Variants in ANKRD12 observed in about 807,000 individuals in gnomAD.
ANKRD12 encodes the protein ankyrin repeat domain-containing protein 12.
ANKRD12 carries 85 observed loss-of-function variants against 183.4 expected under a neutral mutation model. That is an observed-to-expected ratio of 0.46 (90% confidence interval 0.39 to 0.56). The LOEUF (loss-of-function observed/expected upper bound fraction) is 0.56, where lower values mean the gene tolerates loss of function less well. ANKRD12 is among the 20% of genes least tolerant of loss of function. ANKRD12 has a pLI of 0.00. For synonymous variants in ANKRD12, 914 were observed against 800.2 expected, an observed-to-expected ratio of 1.14 and a Z score of -2.40; for missense variants, 2,405 against 2,357.1, an observed-to-expected ratio of 1.02 and a Z score of -0.42.
chr18:9,285,423 T>G lies in ANKRD12; in HGVS notation c.*4297T>G, dbSNP rs2040199285. On this transcript the variant is annotated 3_prime_UTR_variant, in exon 13 of 13. Transcript: ENST00000262126. ...CCTGGGCAACAAGAGTGAAACTCTG[T>G]CTCCAAAAAAAAAAAAAAAAAAAAA... The G allele has an allele frequency of 8.3e-6, 1 of 120,520 alleles. No homozygotes were observed. The highest frequency in any genetic ancestry group is 3.3e-5 in the African/African-American group (1 of 30,532). The allele number at this position is 120,520 out of a possible 1,614,324, so 7.5% of individuals were successfully genotyped here. A position where few individuals can be genotyped will look rare whatever the true frequency, so the allele number is the denominator to read the frequency against.
intron 1 of ANKRD12, among the ~76,000 whole-genome samples, chr18:9,180,278 C>CT (rs2033609780): frequency 6.6e-6 from 1 of 152,136 alleles, no homozygotes; most frequent in Non-Finnish European, 1.5e-5. Context: ...AGCTTGCTTT[C>CT]TTTCTAAGCA....
At position 9,256,175 on chromosome 18, in the gene ANKRD12, A is replaced by T. The variant is rs2038608768; in HGVS notation, c.2908A>T (p.Ile970Leu). ...GGAAAAATCTAGAGATAAAGAAAGT[A>T]TAAATATAACTAACTCCAAACACAT... Reference protein sequence around the residue: ...KKEKSRDKESINITNSKHIQE... With the variant: ...KKEKSRDKESLNITNSKHIQE... Residue 970 changes from isoleucine to leucine, a missense_variant, in exon 9 of 13, where the codon ATA becomes TTA. Physicochemically the swap from Ile to Leu is conservative, Grantham distance 5. Coordinates refer to ENST00000262126, the MANE Select transcript of ANKRD12 (RefSeq NM_015208.5). 1 of 1,563,062 alleles carries T rather than the reference A, an allele frequency of 6.4e-7. No homozygotes were observed. The highest frequency in any genetic ancestry group is 1.4e-5 in the African/African-American group (1 of 71,866).
intron 1 of ANKRD12, among the ~76,000 whole-genome samples, chr18:9,148,220 T>C (rs2078557789): frequency 6.6e-6 from 1 of 152,140 alleles, no homozygotes; most frequent in Non-Finnish European, 1.5e-5. Flanking sequence ...ATTTAAAAAA[T>C]CTCAGACCTT....
rs1168835413 is a variant in ANKRD12, at chr18:9,256,585, A to G, written c.3318A>G (p.Glu1106=). Reference sequence around the variant, plus strand: ...ATAAGGAAAAAATTAAGCAAAAAGAAAAGGAACGGTTGAGAAACCGAAACT... The same window carrying G: ...ATAAGGAAAAAATTAAGCAAAAAGAGAAGGAACGGTTGAGAAACCGAAACT... The part of the protein sequence containing the change: ...KKHKEKIKQK[E]KERLRNRNCL... Residue 1106 remains glutamate, a synonymous_variant, in exon 9 of 13, where the codon GAA becomes GAG. Transcript: ENST00000262126. 1.2e-5 allele frequency: 19 copies of G among 1,599,528 alleles called. No homozygotes were observed. The highest frequency in any genetic ancestry group is 1.6e-5 in the Non-Finnish European group (19 of 1,176,698).
chr18:9,139,164 AAT>A (rs1390774187), intron 1 of ANKRD12, among the ~76,000 whole-genome samples: 1 of 152,230 alleles, frequency 6.6e-6, no homozygotes, highest in Admixed American at 6.5e-5. Flanking sequence ...AGAGAACAAA[AAT>A]ATTCAGACGA....
chr18:9,208,620 T>G, intron 4 of ANKRD12, 37 bp from the exon 5 acceptor site: 15 of 1,570,276 alleles, frequency 9.6e-6, no homozygotes, highest in Non-Finnish European at 1.3e-5. Flanking sequence ...GTACTTGGAT[T>G]TGTTTCAAAT....
intron 1 of ANKRD12, among the ~76,000 whole-genome samples, chr18:9,151,152 G>T (rs1216964771): frequency 6.6e-6 from 1 of 152,230 alleles, no homozygotes; most frequent in Non-Finnish European, 1.5e-5. Context: ...AATAGCTAAG[G>T]CAGGGAGGGA....
intron 1 of ANKRD12, among the ~76,000 whole-genome samples, chr18:9,181,036 CTA>C (rs2144160039): frequency 6.6e-6 from 1 of 152,240 alleles, no homozygotes; most frequent in African/African-American, 2.4e-5. Flanking sequence ...GAGGACAGTG[CTA>C]TGTTTAAATT....
chr18:9,151,419 A>G (rs1425718878), intron 1 of ANKRD12, among the ~76,000 whole-genome samples: 2 of 152,240 alleles, frequency 1.3e-5, no homozygotes, highest in Admixed American at 1.3e-4. Context: ...TTATTTAAGA[A>G]GCAGAATTTT....
chr18:9,247,535 ATAT>A (rs1452397868), intron 8 of ANKRD12, among the ~76,000 whole-genome samples: 2 of 152,290 alleles, frequency 1.3e-5, no homozygotes, highest in South Asian at 2.1e-4. Context: ...GTGTACTACA[ATAT>A]TATCATATTT....
chr18:9,279,763 C>A, intron 12 of ANKRD12, 119 bp downstream of exon 12: 1 of 597,116 alleles, frequency 1.7e-6, no homozygotes. Flanking sequence ...AGTCATGAAT[C>A]CTCACACTGG....
chr18:9,177,412 A>G (rs1302225321), intron 1 of ANKRD12, among the ~76,000 whole-genome samples: 1 of 108,594 alleles, frequency 9.2e-6, no homozygotes, highest in Non-Finnish European at 2.0e-5. Context: ...GGTGGGTGAC[A>G]TCTCATTTTT....
intron 8 of ANKRD12, among the ~76,000 whole-genome samples, chr18:9,234,796 A>G (rs575803225): frequency 5.9e-5 from 9 of 152,292 alleles, no homozygotes; most frequent in African/African-American, 1.7e-4. Context: ...AGGGTCTCCA[A>G]ATCGCTGCCC....
intron 8 of ANKRD12, among the ~76,000 whole-genome samples, chr18:9,249,422 CAG>C (rs1307841771): frequency 1.3e-5 from 2 of 152,160 alleles, no homozygotes; most frequent in Non-Finnish European, 2.9e-5. Context: ...CTAGAATACA[CAG>C]AATGCATTGG....
At chr18:9,181,145 T>C (rs2033670445) in intron 1 of ANKRD12, among the ~76,000 whole-genome samples, 1 of 152,206 alleles carries the variant, frequency 6.6e-6, no homozygotes, top group African/African-American at 2.4e-5. Flanking sequence ...TTCAAATTTG[T>C]TTCCTCCTCT....
chr18:9,196,432 G>A (rs1474178741), intron 3 of ANKRD12, among the ~76,000 whole-genome samples: 1 of 152,134 alleles, frequency 6.6e-6, no homozygotes, highest in African/African-American at 2.4e-5. Context: ...TGTATTTACT[G>A]TAGTTTTAGT....
At chr18:9,271,263 TGTG>T (rs2039588558) in intron 10 of ANKRD12, among the ~76,000 whole-genome samples, 1 of 151,912 alleles carries the variant, frequency 6.6e-6, no homozygotes, top group African/African-American at 2.4e-5. Flanking sequence ...TTTTGCCAGG[TGTG>T]GTGGCTCATG....
intron 8 of ANKRD12, among the ~76,000 whole-genome samples, chr18:9,244,235 T>C (rs895224286): frequency 6.6e-6 from 1 of 152,186 alleles, no homozygotes; most frequent in South Asian, 2.1e-4. Flanking sequence ...CAGCCAACCA[T>C]CAATCAGGTA....
At chr18:9,145,465 A>G (rs1247711392) in intron 1 of ANKRD12, among the ~76,000 whole-genome samples, 4 of 152,250 alleles carry the variant, frequency 2.6e-5, no homozygotes, top group African/African-American at 9.6e-5. Flanking sequence ...TACACACATA[A>G]TCACATAGGA....
Sources: gnomAD v4.1 joint callset for allele counts (sites outside exome capture counted in the v4.1 genomes callset) on GRCh38, gnomAD v4.1.1 for gene constraint, MANE v1.5 for transcripts, NCBI Gene and HGNC (gene_info 2026-07-23, HGNC 2026-07-21) for gene names.